Variants in ZNRF3 observed in about 807,000 individuals in gnomAD.
ZNRF3 encodes the protein zinc and ring finger 3.
A neutral mutation model predicts 72.5 loss-of-function variants in ZNRF3; 23 were observed. The observed-to-expected ratio is 0.32, with a 90% CI of 0.23 to 0.45. ZNRF3 has a LOEUF of 0.45. Among genes scored for constraint, ZNRF3 ranks in the 20% least tolerant of loss-of-function variants. The pLI, the probability that ZNRF3 is intolerant of heterozygous loss-of-function variation, is 1.00. For missense variants in ZNRF3, 1,169 were observed against 1,272.1 expected, an observed-to-expected ratio of 0.92 and a Z score of 1.23; for synonymous variants, 610 against 545.3, an observed-to-expected ratio of 1.12 and a Z score of -1.65.
chr22:28,890,081 C>T (rs2033857383), intron 1 of ZNRF3, among the ~76,000 whole-genome samples: 1 of 152,216 alleles, frequency 6.6e-6, no homozygotes, highest in Non-Finnish European at 1.5e-5. Context: ...CTTGCTTTGG[C>T]TTGGCTAATA....
chr22:28,990,884 C>T (rs370385675), intron 2 of ZNRF3, among the ~76,000 whole-genome samples: 26 of 152,118 alleles, frequency 1.7e-4, no homozygotes, highest in South Asian at 1.7e-3. Context: ...GAGGTGCTGG[C>T]GTTTCTAGCA....
chr22:29,049,601 T>C lies in ZNRF3; in HGVS notation c.1420T>C (p.Phe474Leu), dbSNP rs2037144196. ...QYETMYQHYYFQGLSYPEQEG... is the reference protein window; with the variant it reads ...QYETMYQHYYLQGLSYPEQEG... ...TGAGACCATGTACCAGCACTACTACTTCCAGGGCCTCAGCTACCCGGAGCA... is the reference window on the plus strand; with the variant it reads ...TGAGACCATGTACCAGCACTACTACCTCCAGGGCCTCAGCTACCCGGAGCA... Residue 474 changes from phenylalanine to leucine, a missense_variant, in exon 8 of 9, where the codon TTC (phenylalanine) becomes CTC (leucine). Transcript: ENST00000544604. The surrounding 1 kb of genome is among the most constrained non-coding windows in gnomAD (Gnocchi z 5.2). 1.9e-6 allele frequency: 3 copies of C among 1,609,554 alleles called. No homozygotes were observed. Among genetic ancestry groups the C allele is most frequent in the South Asian group, 2.2e-5 (2 of 90,882 alleles).
intron 1 of ZNRF3, among the ~76,000 whole-genome samples, chr22:28,885,157 A>G (rs1449866944): frequency 6.6e-6 from 1 of 152,142 alleles, no homozygotes; most frequent in Non-Finnish European, 1.5e-5. Flanking sequence ...ATGATTGCAT[A>G]GCAGCCCGCA....
chr22:29,040,491 G>A (rs974252190), intron 2 of ZNRF3, among the ~76,000 whole-genome samples: 4 of 151,010 alleles, frequency 2.6e-5, no homozygotes, highest in Admixed American at 2.0e-4. Context: ...ATCCCCCACC[G>A]CCTTTTTTTT....
chr22:28,984,236 T>A (rs756300156), intron 1 of ZNRF3, among the ~76,000 whole-genome samples: 1 of 152,206 alleles, frequency 6.6e-6, no homozygotes, highest in Admixed American at 6.5e-5. Context: ...TTGTGCAATC[T>A]TCACCACCAT....
At chr22:29,003,298 C>G (rs1231370770) in intron 2 of ZNRF3, among the ~76,000 whole-genome samples, 2 of 151,936 alleles carry the variant, frequency 1.3e-5, no homozygotes, top group African/African-American at 4.8e-5. Flanking sequence ...GGGCGGATCA[C>G]GAGGGCAGGA....
chr22:28,932,813 A>G lies in ZNRF3; in HGVS notation c.300+48747A>G, dbSNP rs145559677. Among the ~76,000 whole-genome samples the G allele has an allele frequency of 7.2e-5, 11 of 152,344 alleles. No individual in the cohort carries two copies. The East Asian group carries it at 1.5e-3, about 21-fold the overall frequency. On this transcript the variant is annotated intron_variant, in intron 1 of 8. Transcript: ENST00000544604. ...CATCAGGAGCTCTGCACTTGATCTCAGCTAAAAGGCTGAGAAGAGATTCAT... is the reference window on the plus strand; with the variant it reads ...CATCAGGAGCTCTGCACTTGATCTCGGCTAAAAGGCTGAGAAGAGATTCAT...
At chr22:28,951,431 G>C (rs1304353574) in intron 1 of ZNRF3, among the ~76,000 whole-genome samples, 2 of 152,050 alleles carry the variant, frequency 1.3e-5, no homozygotes. Flanking sequence ...TGAAGATGGA[G>C]GCAGTGATTG....
chr22:29,022,222 C>CT (rs1002827238), intron 2 of ZNRF3, among the ~76,000 whole-genome samples: 14 of 152,266 alleles, frequency 9.2e-5, no homozygotes, highest in African/African-American at 2.9e-4. Context: ...GAGAACGCTG[C>CT]TTTTTTTACT....
At chr22:28,939,547 G>A (rs914112155) in intron 1 of ZNRF3, among the ~76,000 whole-genome samples, 2 of 150,258 alleles carry the variant, frequency 1.3e-5, no homozygotes, top group Non-Finnish European at 1.5e-5. Flanking sequence ...ACCAAATCCT[G>A]AAGCCCTCCC....
chr22:29,040,785 T>C (rs2036948724), intron 2 of ZNRF3, among the ~76,000 whole-genome samples: 1 of 152,180 alleles, frequency 6.6e-6, no homozygotes, highest in Non-Finnish European at 1.5e-5. Flanking sequence ...TACTGAAGAT[T>C]TTACTGAAGT....
At chr22:29,028,639 C>T (rs1002167941) in intron 2 of ZNRF3, among the ~76,000 whole-genome samples, 27 of 152,214 alleles carry the variant, frequency 1.8e-4, no homozygotes, top group Non-Finnish European at 7.3e-5. Flanking sequence ...AATGTCAGCT[C>T]TCCACTTTGT....
chr22:28,906,236 T>C (rs132535), intron 1 of ZNRF3, among the ~76,000 whole-genome samples: 134,104 of 152,248 alleles, frequency 0.88, 60,529 homozygotes, highest in Non-Finnish European at 0.97. Context: ...TTGAGGCAGG[T>C]GGATTGCTTG....
At chr22:28,907,703 C>A (rs751251419) in intron 1 of ZNRF3, among the ~76,000 whole-genome samples, 1 of 152,238 alleles carries the variant, frequency 6.6e-6, no homozygotes, top group Non-Finnish European at 1.5e-5. Flanking sequence ...CCATTCTCCA[C>A]ACCCCTGTAC....
intron 2 of ZNRF3, among the ~76,000 whole-genome samples, chr22:29,013,491 C>T (rs917517011): frequency 2.6e-5 from 4 of 152,170 alleles, no homozygotes; most frequent in African/African-American, 9.7e-5. Context: ...ACACCTTGCC[C>T]TTTTGTCTTT....
intron 1 of ZNRF3, among the ~76,000 whole-genome samples, chr22:28,910,576 T>C (rs2034297497): frequency 6.6e-6 from 1 of 152,182 alleles, no homozygotes; most frequent in African/African-American, 2.4e-5. Context: ...TGGCAAGGGT[T>C]GATGGATGTG....
chr22:28,985,948 G>A lies in ZNRF3; in HGVS notation c.301-1128G>A, dbSNP rs567845703. On this transcript the variant is annotated intron_variant, in intron 1 of 8. Coordinates refer to ENST00000544604, the MANE Select transcript of ZNRF3 (RefSeq NM_001206998.2). ...TCTTTGTCAGCTTCTAGAGGCCATC[G>A]TCATTTCTTGATTAACGGCCCCCTC... 4.3e-4 allele frequency among the ~76,000 whole-genome samples: 66 copies of A among 152,286 alleles called. 1 individual carries two copies. Among genetic ancestry groups the A allele is most frequent in the South Asian group, 3.9e-3 (19 of 4,824 alleles).
intron 1 of ZNRF3, among the ~76,000 whole-genome samples, chr22:28,956,628 C>G (rs1175722447): frequency 6.6e-6 from 1 of 152,076 alleles, no homozygotes; most frequent in Non-Finnish European, 1.5e-5. Context: ...CTTTTTGGAC[C>G]TTGAGCTGAG....
chr22:28,991,279 C>CAAA lies in ZNRF3; in HGVS notation c.426+4108_426+4110dup, dbSNP rs59317059. ...CCTGGCCAACAGAGAGACCCTCTCT[C>CAAA]AAAAAAAAAAAAAAAAAAAAAAAAA... On this transcript the variant is annotated intron_variant, in intron 2 of 8. Transcript: ENST00000544604. Among the ~76,000 whole-genome samples the CAAA allele has an allele frequency of 1.4e-3, 72 of 51,676 alleles. 1 individual carries two copies. Among genetic ancestry groups the CAAA allele is most frequent in the African/African-American group, 3.1e-3 (35 of 11,118 alleles). The allele number at this position is 51,676 out of a possible 152,430, so 33.9% of individuals were successfully genotyped here.
Sources: gnomAD v4.1 joint callset for allele counts (sites outside exome capture counted in the v4.1 genomes callset) on GRCh38, gnomAD v4.1.1 for gene constraint, Gnocchi (gnomAD v3.1) non-coding constraint, MANE v1.5 for transcripts, NCBI Gene and HGNC (gene_info 2026-07-23, HGNC 2026-07-21) for gene names.